L3MBTL2: variants seen among roughly 807,000 people sequenced by gnomAD.
The protein encoded by L3MBTL2 is lethal(3)malignant brain tumor-like protein 2.
In L3MBTL2, 49 loss-of-function variants were observed where a neutral mutation model predicts 86.4. The observed-to-expected ratio is 0.57, with a 90% CI of 0.45 to 0.72. The LOEUF is 0.72. Ranked by LOEUF, L3MBTL2 falls within the 30% of genes least tolerant of loss-of-function variation. The probability of loss-of-function intolerance (pLI) is 0.00; values close to 1 mark genes in which losing one functional copy is unlikely to be tolerated. For missense variants in L3MBTL2, 755 were observed against 923.7 expected (o/e 0.82, Z 2.37); for synonymous variants, 336 against 350.6 (o/e 0.96, Z 0.47).
intron 12 of L3MBTL2, among the ~76,000 whole-genome samples, chr22:41,226,366 G>A (rs2032185244): frequency 6.6e-6 from 1 of 152,196 alleles, no homozygotes; most frequent in Non-Finnish European, 1.5e-5. Context: ...AGGGTGTATG[G>A]GAAAGGTGAC....
intron 15 of L3MBTL2, chr22:41,228,133 G>C (rs2032320861): frequency 1.0e-6 from 1 of 985,376 alleles, no homozygotes; most frequent in African/African-American, 1.7e-5. Flanking sequence ...AGAGGTAAGA[G>C]ATTGAGGTTG....
chr22:41,224,721 A>T lies in L3MBTL2; in HGVS notation c.1175-4A>T. 1.2e-6 allele frequency: 2 copies of T among 1,611,982 alleles called. No homozygotes were observed. Among genetic ancestry groups the T allele is most frequent in the African/African-American group, 2.7e-5 (2 of 74,970 alleles). ...CCCTCATTCCCTATCCATCTCCTCC[A>T]AAGAGAGGCGAAGTGACATGGCCCA... On this transcript the variant is annotated splice_region_variant and splice_polypyrimidine_tract_variant and intron_variant, in intron 9 of 16. Transcript: ENST00000216237. This position sits in a 1 kb window ranked among gnomAD's most constrained non-coding sequence, Gnocchi z 4.9.
intron 2 of L3MBTL2, among the ~76,000 whole-genome samples, chr22:41,211,389 G>A (rs1191266856): frequency 6.7e-6 from 1 of 150,286 alleles, no homozygotes; most frequent in Non-Finnish European, 1.5e-5. Flanking sequence ...TTTTTTTGTA[G>A]AGACAGGGGT....
Position 41,225,814 on chromosome 22 carries a change from G to C in L3MBTL2, c.1377G>C (p.Leu459=). Residue 459 remains leucine, a synonymous_variant, in exon 12 of 17, where the codon CTG becomes CTC. Transcript: ENST00000216237. This position sits in a 1 kb window ranked among gnomAD's most constrained non-coding sequence, Gnocchi z 4.1. ...CCCAGGTTCTCCTGGATGGATACCT[G>C]ATGATCTGTGTGGACGGGGGGCCCT... The part of the protein sequence containing the change: ...TVCKVLLDGY[L]MICVDGGPST... 6.2e-7 allele frequency: 1 copy of C among 1,613,618 alleles called. No homozygotes were observed. Among genetic ancestry groups the C allele is most frequent in the Non-Finnish European group, 8.5e-7 (1 of 1,179,614 alleles).
chr22:41,220,319 A>G (rs1194729918), intron 6 of L3MBTL2, among the ~76,000 whole-genome samples: 1 of 152,194 alleles, frequency 6.6e-6, no homozygotes, highest in Non-Finnish European at 1.5e-5. Context: ...GTTGTGGACA[A>G]CAGGAATCCA....
At position 41,226,655 on chromosome 22, in the gene L3MBTL2, C is replaced by T. The variant is rs754519764; in HGVS notation, c.1505-7C>T. The T allele has an allele frequency of 8.7e-6, 14 of 1,608,884 alleles. No individual in the cohort carries two copies. The highest frequency in any genetic ancestry group is 5.3e-5 in the African/African-American group (4 of 74,830). On this transcript the variant is annotated splice_region_variant and splice_polypyrimidine_tract_variant and intron_variant, in intron 12 of 16. Coordinates refer to ENST00000216237, the MANE Select transcript of L3MBTL2 (RefSeq NM_031488.5). Reference sequence around the variant, plus strand: ...TCCCTCTGCATCTGAGCTTTCTGCTCCTCCAGGTTATGAGGCACAGACTTT... The same window carrying T: ...TCCCTCTGCATCTGAGCTTTCTGCTTCTCCAGGTTATGAGGCACAGACTTT...
intron 15 of L3MBTL2, among the ~76,000 whole-genome samples, chr22:41,228,987 A>T (rs2032392210): frequency 6.6e-6 from 1 of 152,024 alleles, no homozygotes; most frequent in Non-Finnish European, 1.5e-5. Context: ...GCTGAGTGTG[A>T]TGGTTCACAC....
intron 1 of L3MBTL2, among the ~76,000 whole-genome samples, chr22:41,207,919 A>T (rs934934114): frequency 1.3e-5 from 2 of 150,738 alleles, no homozygotes; most frequent in South Asian, 2.1e-4. Context: ...GCAACCTCCA[A>T]CTCCTGGGTT....
At chr22:41,226,632 C>T in intron 12 of L3MBTL2, 30 bp from the exon 13 acceptor site, 1 of 1,518,214 alleles carries the variant, frequency 6.6e-7, no homozygotes, top group Non-Finnish European at 9.2e-7. Context: ...TCCCCCTCTC[C>T]CTCTGCATCT....
intron 5 of L3MBTL2, 180 bp downstream of exon 5, chr22:41,217,382 ACTT>A: frequency 1.7e-6 from 1 of 586,780 alleles, no homozygotes; most frequent in Non-Finnish European, 3.0e-6. Flanking sequence ...TCCTACAAAC[ACTT>A]CTATCACCTG....
intron 1 of L3MBTL2, chr22:41,206,084 C>G (rs2030188058): frequency 6.6e-6 from 1 of 151,968 alleles, no homozygotes; most frequent in African/African-American, 2.4e-5. Flanking sequence ...CTCCCGGGTT[C>G]AAGCAATTCT....
At chr22:41,216,480 C>T (rs1239563019) in intron 4 of L3MBTL2, among the ~76,000 whole-genome samples, 1 of 152,158 alleles carries the variant, frequency 6.6e-6, no homozygotes, top group African/African-American at 2.4e-5. Flanking sequence ...AGGACTCCTA[C>T]CCATGATAAT....
At chr22:41,205,787 T>A (rs1446152476) in intron 1 of L3MBTL2, among the ~76,000 whole-genome samples, 1 of 152,098 alleles carries the variant, frequency 6.6e-6, no homozygotes, top group Non-Finnish European at 1.5e-5. Context: ...TTCACGTGCA[T>A]TATCTTCCAG....
intron 8 of L3MBTL2, among the ~76,000 whole-genome samples, chr22:41,222,908 G>A (rs1013512551): frequency 4.0e-5 from 6 of 150,908 alleles, no homozygotes; most frequent in African/African-American, 1.5e-4. Flanking sequence ...GCCACAGAGC[G>A]AGGAGACTCC....
Position 41,209,836 on chromosome 22 carries a change from A to T in L3MBTL2, c.165A>T (p.Glu55Asp), listed in dbSNP as rs781641603. The change falls in exon 2 of 17, where the codon GAA (glutamate) becomes GAT (aspartate). Residue 55 changes from glutamate to aspartate, a missense_variant. Around this residue, in one of 3 missense-constraint regions of L3MBTL2, gnomAD observed 103 missense variants for 105.2 expected, o/e 0.98. Coordinates refer to ENST00000216237, the MANE Select transcript of L3MBTL2 (RefSeq NM_031488.5). ...SSYLEESSEA[E>D]NEDREAGELP... ...ATCTGGAGGAGTCAAGTGAAGCAGA[A>T]AATGAGGATCGGGAAGCAGGGGAAC... 7 of 1,614,092 alleles carry T rather than the reference A, an allele frequency of 4.3e-6. No homozygotes were observed. In the East Asian group the frequency reaches 1.3e-4, roughly 31 times the overall value.
In L3MBTL2 at chr22:41,224,046, T is replaced by C. The variant is rs2032015206; in HGVS notation, c.969T>C (p.Phe323=). 1.2e-6 allele frequency: 2 copies of C among 1,614,128 alleles called. No homozygotes were observed. Among genetic ancestry groups the C allele is most frequent in the Non-Finnish European group, 1.7e-6 (2 of 1,179,988 alleles). ...TGGTGGAGAGCATGAAGTACCCCTT[T>C]AGGCAGGGCATGCGGCTGGAAGTGG... ...IKMVESMKYP[F]RQGMRLEVVD... Residue 323 remains phenylalanine (F), a synonymous_variant, in exon 9 of 17, where the codon TTT becomes TTC. Coordinates refer to ENST00000216237, the MANE Select transcript of L3MBTL2 (RefSeq NM_031488.5). The surrounding 1 kb of genome is among the most constrained non-coding windows in gnomAD (Gnocchi z 4.9).
At chr22:41,211,181 G>A (rs1048319890) in intron 2 of L3MBTL2, among the ~76,000 whole-genome samples, 12 of 152,224 alleles carry the variant, frequency 7.9e-5, no homozygotes, top group Admixed American at 5.2e-4. Context: ...TGAGGACACT[G>A]CCATCCTTTA....
chr22:41,218,738 C>T (rs1183190727), intron 5 of L3MBTL2: 1 of 152,382 alleles, frequency 6.6e-6, no homozygotes, highest in African/African-American at 2.4e-5. Context: ...ATTCTCCTGC[C>T]TCAGCCTCCG....
In L3MBTL2 at chr22:41,227,886, T is replaced by A. The variant is rs117123533; in HGVS notation, c.1888+17T>A. On this transcript the variant is annotated intron_variant, in intron 15 of 16. Coordinates refer to ENST00000216237, the MANE Select transcript of L3MBTL2 (RefSeq NM_031488.5). The surrounding 1 kb of genome is among the most constrained non-coding windows in gnomAD (Gnocchi z 6.0). ...GGAAGAAAAGTAAGTGCTGCACCGG[T>A]GCAGCCAGGCTGGTGTGGGCCTGGG... 2.9e-3 allele frequency: 4,630 copies of A among 1,608,690 alleles called. 200 individuals are homozygous for A. The East Asian group carries it at 0.091, about 32-fold the overall frequency.
Sources: gnomAD v4.1 joint callset for allele counts (sites outside exome capture counted in the v4.1 genomes callset) on GRCh38, gnomAD v4.1.1 for gene constraint, gnomAD v4.1.1 regional missense constraint, Gnocchi (gnomAD v3.1) non-coding constraint, MANE v1.5 for transcripts, NCBI Gene and HGNC (gene_info 2026-07-23, HGNC 2026-07-21) for gene names.